Variants in IL31RA observed in about 807,000 individuals in gnomAD.
The protein encoded by IL31RA is interleukin-31 receptor subunit alpha.
IL31RA carries 66 observed loss-of-function variants against 83.7 expected under a neutral mutation model. The ratio of observed to expected loss-of-function variants is 0.79; its 90% CI spans 0.65 to 0.97. The LOEUF (loss-of-function observed/expected upper bound fraction) is 0.97. Ranked by LOEUF, IL31RA falls within the 50% of genes least tolerant of loss-of-function variation. The probability of loss-of-function intolerance (pLI) is 0.00; values close to 1 mark genes in which losing one functional copy is unlikely to be tolerated. For synonymous variants in IL31RA, 325 were observed against 329.0 expected (o/e 0.99, Z 0.13); for missense variants, 798 against 919.4 (o/e 0.87, Z 1.71).
At chr5:55,867,972 G>T (rs951488933) in intron 2 of IL31RA, among the ~76,000 whole-genome samples, 1 of 152,158 alleles carries the variant, frequency 6.6e-6, no homozygotes, top group East Asian at 1.9e-4. Flanking sequence ...TTGGGTGGGG[G>T]CACAACCAAA....
At chr5:55,857,926 G>T (rs1482576084) in intron 1 of IL31RA, among the ~76,000 whole-genome samples, 1 of 152,026 alleles carries the variant, frequency 6.6e-6, no homozygotes, top group Admixed American at 6.5e-5. Flanking sequence ...TTTGTGAGAG[G>T]GCCAGGACCA....
At position 55,907,405 on chromosome 5, in the gene IL31RA, G is replaced by A. The variant is rs777921127; in HGVS notation, c.1299G>A (p.Met433Ile). Reference protein sequence around the residue: ...FWCYNISVYPMLHDKVGEPYS... With the variant: ...FWCYNISVYPILHDKVGEPYS... ...GCTATAACATCTCTGTGTATCCAAT[G>A]TTGCATGACAAAGTTGGCGAGCCAT... The change falls in exon 10 of 15, where the codon ATG becomes ATA. Residue 433 changes from methionine (M) to isoleucine (I), a missense_variant. Met to Ile is a conservative substitution (Grantham distance 10). Transcript: ENST00000652347. The A allele has an allele frequency of 1.2e-6, 2 of 1,613,722 alleles. No individual in the cohort carries two copies. The highest frequency in any genetic ancestry group is 2.7e-5 in the African/African-American group (2 of 74,874).
At chr5:55,854,314 A>G (rs1485994081) in intron 1 of IL31RA, among the ~76,000 whole-genome samples, 3 of 152,236 alleles carry the variant, frequency 2.0e-5, no homozygotes, top group Non-Finnish European at 2.9e-5. Flanking sequence ...CAATGTATAT[A>G]TAATCAATAT....
At chr5:55,914,054 A>C (rs1053638043) in intron 13 of IL31RA, among the ~76,000 whole-genome samples, 1 of 152,216 alleles carries the variant, frequency 6.6e-6, no homozygotes, top group African/African-American at 2.4e-5. Flanking sequence ...GTCTGGCTGC[A>C]GGGGCCTTTA....
At position 55,903,175 on chromosome 5, in the gene IL31RA, A is replaced by G. The variant is rs1166487278; in HGVS notation, c.1070-2931A>G. On this transcript the variant is annotated intron_variant, in intron 8 of 14. Transcript: ENST00000652347. The surrounding 1 kb of genome is among the most constrained non-coding windows in gnomAD (Gnocchi z 4.7). ...CAGCAGGCAGCGGTGGCGTGGTCCC[A>G]GGCAGGGCATCGGAAAGCCCGGCCA... is the stretch of plus-strand genomic sequence containing the variant. Among the ~76,000 whole-genome samples, 4 of 152,118 alleles carry G rather than the reference A, an allele frequency of 2.6e-5. No individual in the cohort carries two copies. Among genetic ancestry groups the G allele is most frequent in the Admixed American group, 2.0e-4 (3 of 15,276 alleles).
chr5:55,910,762 C>A, intron 12 of IL31RA, 90 bp downstream of exon 12: 3 of 1,428,716 alleles, frequency 2.1e-6, no homozygotes, highest in Non-Finnish European at 3.0e-6. Context: ...TGGAGGAAGC[C>A]AAATGAAAGG....
At chr5:55,894,847 G>A (rs1204006236) in intron 6 of IL31RA, among the ~76,000 whole-genome samples, 1 of 152,158 alleles carries the variant, frequency 6.6e-6, no homozygotes, top group Non-Finnish European at 1.5e-5. Flanking sequence ...CTCCCGTGTA[G>A]CTGGGATTAC....
At position 55,860,743 on chromosome 5, in the gene IL31RA, CA is replaced by C. The variant is rs201507203; in HGVS notation, c.154+1145del. 6.0e-3 allele frequency among the ~76,000 whole-genome samples: 915 copies of C among 152,278 alleles called. 6 individuals carry two copies. The highest frequency in any genetic ancestry group is 0.014 in the Middle Eastern group (4 of 294). On this transcript the variant is annotated intron_variant, in intron 2 of 14. Coordinates refer to ENST00000652347, the MANE Select transcript of IL31RA (RefSeq NM_139017.7). ...CTTAAGTTTAAAACAATATTAAGAG[CA>C]GAGACACTGGTCTGGTAGTGGGAAG...
In IL31RA at chr5:55,917,115, G is replaced by C; in HGVS notation, c.2290G>C (p.Val764Leu). 2 of 1,614,164 alleles carry C rather than the reference G, an allele frequency of 1.2e-6. No individual in the cohort carries two copies. The highest frequency in any genetic ancestry group is 1.7e-6 in the Non-Finnish European group (2 of 1,180,044). The part of the protein sequence containing the change: ...EKLPEHTKGE[V>L] The stretch of plus-strand genomic sequence containing the variant: ...ACTTCCAGAGCACACCAAGGGAGAA[G>C]TCTAAATGCGACCATAGCATGAGAC... The change falls in exon 15 of 15, where the codon GTC (valine) becomes CTC (leucine). Residue 764 changes from valine (V) to leucine (L), a missense_variant. Coordinates refer to ENST00000652347, the MANE Select transcript of IL31RA (RefSeq NM_139017.7).
intron 7 of IL31RA, among the ~76,000 whole-genome samples, chr5:55,897,670 A>T (rs143471292): frequency 1.2e-5 from 1 of 80,426 alleles, no homozygotes; most frequent in African/African-American, 4.3e-5. Context: ...GAATGCAGAG[A>T]AGAAGAAGAG....
At position 55,883,171 on chromosome 5, in the gene IL31RA, C is replaced by T. The variant is rs370085931; in HGVS notation, c.582C>T (p.Phe194=). The part of the protein sequence containing the change: ...VSSDLKYTLR[F]RTVNSTSWME... Reference sequence around the variant, plus strand: ...CTGATTTAAAATACACACTTCGATTCAGGACAGTCAACAGTACCAGCTGGG... The same window carrying T: ...CTGATTTAAAATACACACTTCGATTTAGGACAGTCAACAGTACCAGCTGGG... The change falls in exon 5 of 15, where the codon TTC becomes TTT. Residue 194 remains phenylalanine, a synonymous_variant. Coordinates refer to ENST00000652347, the MANE Select transcript of IL31RA (RefSeq NM_139017.7). 7.4e-6 allele frequency: 12 copies of T among 1,613,830 alleles called. No individual in the cohort carries two copies. The highest frequency in any genetic ancestry group is 1.0e-5 in the Non-Finnish European group (12 of 1,179,776).
At position 55,896,415 on chromosome 5, in the gene IL31RA, C is replaced by A. The variant is rs768209580; in HGVS notation, c.838C>A (p.Arg280=). 7 of 1,611,970 alleles carry A rather than the reference C, an allele frequency of 4.3e-6. No individual in the cohort carries two copies. Among genetic ancestry groups the A allele is most frequent in the Non-Finnish European group, 5.9e-6 (7 of 1,178,272 alleles). ...PAEADGRRPV[R]LLWKKARGAP... ...TGAGGCGGATGGAAGAAGGCCAGTG[C>A]GGTTGTTATGGAAGGTGACCTCCCT... The change falls in exon 7 of 15, where the codon CGG becomes AGG. Residue 280 remains arginine (R), a synonymous_variant. Coordinates refer to ENST00000652347, the MANE Select transcript of IL31RA (RefSeq NM_139017.7).
chr5:55,899,517 G>A (rs1282220583), intron 7 of IL31RA, among the ~76,000 whole-genome samples: 1 of 152,178 alleles, frequency 6.6e-6, no homozygotes, highest in Non-Finnish European at 1.5e-5. Context: ...TCCAACCTTT[G>A]GATACTCCAG....
chr5:55,863,619 C>A (rs1362796583), intron 2 of IL31RA, among the ~76,000 whole-genome samples: 1 of 152,240 alleles, frequency 6.6e-6, no homozygotes, highest in Non-Finnish European at 1.5e-5. Context: ...ATTTTATCTA[C>A]CACAAATCTC....
the IL31RA span, chr5:55,839,847 G>C: frequency 1.3e-6 from 1 of 754,284 alleles, no homozygotes; most frequent in African/African-American, 1.7e-5. Context: ...TCTGATTCAA[G>C]TTCAACAAAA....
chr5:55,863,817 G>T (rs1276094), intron 2 of IL31RA, among the ~76,000 whole-genome samples: 1 of 152,126 alleles, frequency 6.6e-6, no homozygotes, highest in Non-Finnish European at 1.5e-5. Context: ...GACACTTAAC[G>T]GTTCTGAAAA....
intron 10 of IL31RA, 39 bp from the exon 11 acceptor site, chr5:55,908,226 C>A (rs114146496): frequency 1.1e-5 from 17 of 1,612,344 alleles, no homozygotes; most frequent in Non-Finnish European, 1.4e-5. Context: ...TCCTGGAGTG[C>A]GGTTCAGTGA....
At chr5:55,841,875 A>C in the IL31RA span, among the ~76,000 whole-genome samples, 1 of 152,118 alleles carries the variant, frequency 6.6e-6, no homozygotes. Context: ...CAAAAGTCCA[A>C]AATCAAGATG....
At chr5:55,874,121 C>T (rs1452622759) in intron 4 of IL31RA, among the ~76,000 whole-genome samples, 1 of 152,048 alleles carries the variant, frequency 6.6e-6, no homozygotes, top group Non-Finnish European at 1.5e-5. Flanking sequence ...CCAGTTATCT[C>T]AGAATCATTT....
Sources: gnomAD v4.1 joint callset for allele counts (sites outside exome capture counted in the v4.1 genomes callset) on GRCh38, gnomAD v4.1.1 for gene constraint, Gnocchi (gnomAD v3.1) non-coding constraint, MANE v1.5 for transcripts, NCBI Gene and HGNC (gene_info 2026-07-23, HGNC 2026-07-21) for gene names.